Variants in PCDHGA9 observed in about 807,000 individuals in gnomAD.
PCDHGA9 encodes the protein protocadherin gamma-A9.
In PCDHGA9, 37 loss-of-function variants were observed where a neutral mutation model predicts 62.5. The observed-to-expected ratio is 0.59, with a 90% CI of 0.46 to 0.78. The LOEUF (loss-of-function observed/expected upper bound fraction) is 0.78. Ranked by LOEUF, PCDHGA9 falls within the 30% of genes least tolerant of loss-of-function variation. The pLI is 0.00. For synonymous variants in PCDHGA9, 459 were observed against 484.6 expected (o/e 0.95, Z 0.69); for missense variants, 1,138 against 1,166.2 (o/e 0.98, Z 0.35).
At chr5:141,418,802 T>C in intron 1 of PCDHGA9, 1 of 1,613,862 alleles carries the variant, frequency 6.2e-7, no homozygotes, top group Non-Finnish European at 8.5e-7. Flanking sequence ...AGTAGAAAGA[T>C]ATACGATAAA....
At chr5:141,471,932 A>T (rs1015576042) in intron 1 of PCDHGA9, among the ~76,000 whole-genome samples, 1 of 152,158 alleles carries the variant, frequency 6.6e-6, no homozygotes, top group Non-Finnish European at 1.5e-5. Context: ...GGGGGTGATG[A>T]GAGTTTTCTA....
rs1039645331 is a variant in PCDHGA9, at chr5:141,420,373, T to C, written c.2424+14997T>C. ...TTTAAGATTCTAGATAACTTCTTCA[T>C]AGAGTTCGCAAAATATAGGTCAAAT... is the stretch of plus-strand genomic sequence containing the variant. On this transcript the variant is annotated intron_variant, in intron 1 of 3. Coordinates refer to ENST00000573521, the MANE Select transcript of PCDHGA9 (RefSeq NM_018921.3). 21 of 1,337,592 alleles carry C rather than the reference T, an allele frequency of 1.6e-5. No homozygotes were observed. In the African/African-American group the frequency reaches 2.4e-4, roughly 15 times the overall value. The allele number at this position is 1,337,592 out of a possible 1,614,324, so 82.9% of individuals were successfully genotyped here. A position where few individuals can be genotyped will look rare whatever the true frequency, so the allele number is the denominator to read the frequency against.
chr5:141,495,939 G>A (rs1408330065), intron 2 of PCDHGA9, among the ~76,000 whole-genome samples: 1 of 151,994 alleles, frequency 6.6e-6, no homozygotes, highest in Non-Finnish European at 1.5e-5. Context: ...TCTGGTCTCT[G>A]TGCCTGTTGT....
intron 1 of PCDHGA9, chr5:141,414,287 C>G: frequency 6.2e-7 from 1 of 1,613,434 alleles, no homozygotes; most frequent in Non-Finnish European, 8.5e-7. Flanking sequence ...ACAGTCGTAG[C>G]CCTTTTAAAT....
At chr5:141,470,649 C>T (rs1486535307) in intron 1 of PCDHGA9, among the ~76,000 whole-genome samples, 1 of 152,160 alleles carries the variant, frequency 6.6e-6, no homozygotes, top group African/African-American at 2.4e-5. Flanking sequence ...TTGAAGGCCC[C>T]TACCCTTTGG....
intron 1 of PCDHGA9, chr5:141,420,313 C>T (rs751944742): frequency 1.6e-5 from 23 of 1,434,756 alleles, no homozygotes; most frequent in Non-Finnish European, 2.2e-5. Flanking sequence ...TTTTATATTA[C>T]AATATGCCAA....
chr5:141,444,947 C>G (rs2098452252), intron 1 of PCDHGA9, among the ~76,000 whole-genome samples: 1 of 152,054 alleles, frequency 6.6e-6, no homozygotes, highest in Non-Finnish European at 1.5e-5. Context: ...GGAGGAGGAT[C>G]ATCTTAACAA....
intron 1 of PCDHGA9, among the ~76,000 whole-genome samples, chr5:141,438,498 CAT>C (rs2097963931): frequency 6.7e-6 from 1 of 149,704 alleles, no homozygotes; most frequent in African/African-American, 2.5e-5. Context: ...AAAAAAGAAT[CAT>C]AGTGCAAAAC....
intron 1 of PCDHGA9, chr5:141,422,738 C>G: frequency 6.2e-7 from 1 of 1,609,538 alleles, no homozygotes; most frequent in Non-Finnish European, 8.5e-7. Flanking sequence ...CCTCTGTCCT[C>G]CTATGTCTCT....
Position 141,490,325 on chromosome 5 carries a change from G to A in PCDHGA9, c.2425-4482G>A. 1 of 1,614,236 alleles carries A rather than the reference G, an allele frequency of 6.2e-7. No individual in the cohort carries two copies. Among genetic ancestry groups the A allele is most frequent in the Non-Finnish European group, 8.5e-7 (1 of 1,180,038 alleles). On this transcript the variant is annotated intron_variant, in intron 1 of 3. Transcript: ENST00000573521. This position sits in a 1 kb window ranked among gnomAD's most constrained non-coding sequence, Gnocchi z 5.4. ...TCTTTGGCCAACCCTGTCCTAGAGA[G>A]CACACCAGTGGGCACAGTAGTGGGG...
At chr5:141,410,441 A>C (rs1242063924) in intron 1 of PCDHGA9, 1 of 1,613,828 alleles carries the variant, frequency 6.2e-7, no homozygotes, top group South Asian at 1.1e-5. Flanking sequence ...CAGTGAGGGG[A>C]CTTTGCCTTA....
intron 1 of PCDHGA9, chr5:141,415,035 C>T (rs368588973): frequency 8.9e-5 from 143 of 1,613,460 alleles, no homozygotes; most frequent in Non-Finnish European, 1.1e-4. Flanking sequence ...AGCCGGGACT[C>T]TTCGCGGTGG....
chr5:141,410,380 C>T, intron 1 of PCDHGA9: 1 of 1,614,072 alleles, frequency 6.2e-7, no homozygotes, highest in Non-Finnish European at 8.5e-7. Flanking sequence ...CTTGGGACTG[C>T]TTCCATCCTG....
Position 141,405,333 on chromosome 5 carries a change from C to T in PCDHGA9, c.2381C>T (p.Ser794Phe), listed in dbSNP as rs1253133454. 29 of 1,614,086 alleles carry T rather than the reference C, an allele frequency of 1.8e-5. No homozygotes were observed. Among genetic ancestry groups the T allele is most frequent in the Non-Finnish European group, 2.5e-5 (29 of 1,180,034 alleles). ...SCEKNEPLCV[S>F]VDSKFPIEDT... ...GAGAAAAATGAGCCTTTGTGCGTCT[C>T]TGTTGATTCCAAGTTTCCTATAGAA... Residue 794 changes from serine (S) to phenylalanine (F), a missense_variant, in exon 1 of 4, where the codon TCT becomes TTT. Coordinates refer to ENST00000573521, the MANE Select transcript of PCDHGA9 (RefSeq NM_018921.3).
At position 141,403,370 on chromosome 5, in the gene PCDHGA9, G is replaced by T. The variant is rs752870915; in HGVS notation, c.418G>T (p.Val140Leu). ...APKFQAESLE[V>L]KINEIAVPGA... Reference sequence around the variant, plus strand: ...AAAGTTCCAGGCCGAAAGTCTGGAAGTAAAAATTAACGAAATCGCGGTTCC... The same window carrying T: ...AAAGTTCCAGGCCGAAAGTCTGGAATTAAAAATTAACGAAATCGCGGTTCC... The change falls in exon 1 of 4, where the codon GTA (valine) becomes TTA (leucine). Residue 140 changes from valine (V) to leucine (L), a missense_variant. Transcript: ENST00000573521. The T allele has an allele frequency of 1.5e-5, 25 of 1,614,064 alleles. No homozygotes were observed. Among genetic ancestry groups the T allele is most frequent in the Non-Finnish European group, 1.9e-5 (22 of 1,179,904 alleles).
intron 1 of PCDHGA9, chr5:141,478,104 C>T (rs1440105341): frequency 6.2e-7 from 1 of 1,614,118 alleles, no homozygotes; most frequent in South Asian, 1.1e-5. Flanking sequence ...GCTACCCTCA[C>T]TGTGTCAGTA....
intron 1 of PCDHGA9, chr5:141,419,710 C>T: frequency 6.2e-7 from 1 of 1,613,168 alleles, no homozygotes; most frequent in South Asian, 1.1e-5. Context: ...CCGGGCTCTT[C>T]AGCCTGGGGC....
At chr5:141,436,486 C>A (rs2097826645) in intron 1 of PCDHGA9, among the ~76,000 whole-genome samples, 1 of 152,152 alleles carries the variant, frequency 6.6e-6, no homozygotes. Flanking sequence ...AGAAGGATAG[C>A]AGCTTTGCAA....
At position 141,491,084 on chromosome 5, in the gene PCDHGA9, C is replaced by T; in HGVS notation, c.2425-3723C>T. On this transcript the variant is annotated intron_variant, in intron 1 of 3. Transcript: ENST00000573521. This position sits in a 1 kb window ranked among gnomAD's most constrained non-coding sequence, Gnocchi z 6.9. ...TACTCACTGTTGCCACAGTCCACAGCCCCAGGACTGTTCCTCGTGTCTACA... is the reference window on the plus strand; with the variant it reads ...TACTCACTGTTGCCACAGTCCACAGTCCCAGGACTGTTCCTCGTGTCTACA... The T allele has an allele frequency of 6.2e-7, 1 of 1,614,106 alleles. No homozygotes were observed. The highest frequency in any genetic ancestry group is 1.1e-5 in the South Asian group (1 of 91,082).
Sources: gnomAD v4.1 joint callset for allele counts (sites outside exome capture counted in the v4.1 genomes callset) on GRCh38, gnomAD v4.1.1 for gene constraint, Gnocchi (gnomAD v3.1) non-coding constraint, MANE v1.5 for transcripts, NCBI Gene and HGNC (gene_info 2026-07-23, HGNC 2026-07-21) for gene names.